CCNG2: variants seen among roughly 807,000 people sequenced by gnomAD.
CCNG2 encodes cyclin-G2.
CCNG2 carries 20 observed loss-of-function variants against 36.5 expected under a neutral mutation model. That is an observed-to-expected ratio of 0.55 (90% CI 0.39 to 0.80). CCNG2 has a LOEUF of 0.80. Ranked by LOEUF, CCNG2 falls within the 30% of genes least tolerant of loss-of-function variation. The pLI, the probability that CCNG2 is intolerant of heterozygous loss-of-function variation, is 0.00. For missense variants in CCNG2, 358 were observed against 390.8 expected, an observed-to-expected ratio of 0.92 and a Z score of 0.71; for synonymous variants, 155 against 140.1, an observed-to-expected ratio of 1.11 and a Z score of -0.75.
Position 77,160,747 on chromosome 4 carries a change from T to C in CCNG2, c.303T>C (p.Ile101=), listed in dbSNP as rs1198290882. The C allele has an allele frequency of 5.0e-6, 8 of 1,613,796 alleles. No individual in the cohort carries two copies. The Admixed American group carries it at 1.3e-4, about 27-fold the overall frequency. Residue 101 remains isoleucine, a synonymous_variant, in exon 4 of 8, where the codon ATT becomes ATC. Transcript: ENST00000316355. ...MKVKPKHLSC[I]GVCSFLLAAR... ...TGAAACCTAAACATTTGTCTTGCAT[T>C]GGAGTCTGTTCTTTTTTGCTGGCTG... is the stretch of plus-strand genomic sequence containing the variant.
chr4:77,159,146 A>T (rs1464444121), intron 2 of CCNG2, among the ~76,000 whole-genome samples: 1 of 152,254 alleles, frequency 6.6e-6, no homozygotes, highest in Non-Finnish European at 1.5e-5. Context: ...AAGCTCTTTT[A>T]TGATGCGTAT....
At chr4:77,159,603 C>A in intron 3 of CCNG2, 99 bp downstream of exon 3, 1 of 1,096,094 alleles carries the variant, frequency 9.1e-7, no homozygotes, top group Non-Finnish European at 1.3e-6. Flanking sequence ...TAATAACGTC[C>A]ACTGTACATA....
At position 77,169,182 on chromosome 4, in the gene CCNG2, T is replaced by G. The variant is rs145884967; in HGVS notation, c.*3258T>G. On this transcript the variant is annotated 3_prime_UTR_variant, in exon 8 of 8. Transcript: ENST00000316355. The stretch of plus-strand genomic sequence containing the variant: ...TTTTCTTTGTCTAGAGTCTGCCTTT[T>G]TCTTTTTTACAATTTCTTTTATTTC... The G allele has an allele frequency of 2.3e-3, 356 of 152,338 alleles. 1 individual carries two copies. The highest frequency in any genetic ancestry group is 8.0e-3 in the African/African-American group (334 of 41,564). The allele number at this position is 152,338 out of a possible 1,614,324, so 9.4% of individuals were successfully genotyped here. A position where few individuals can be genotyped will look rare whatever the true frequency, so the allele number is the denominator to read the frequency against.
Position 77,158,619 on chromosome 4 carries a change from G to A in CCNG2, c.87G>A (p.Glu29=), listed in dbSNP as rs4150052. 0.078 allele frequency: 125,862 copies of A among 1,613,946 alleles called. 5,259 individuals carry two copies. Among genetic ancestry groups the A allele is most frequent in the African/African-American group, 0.12 (9,205 of 74,980 alleles). ...TGAACGTCTACCTGGAACAAGAAGA[G>A]AGATTCCAACCTCGAGAAAAAGGGC... ...GLLNVYLEQE[E]RFQPREKGLS... is the part of the protein sequence containing the mutation. Residue 29 remains glutamate, a synonymous_variant, in exon 2 of 8, where the codon GAG becomes GAA. Coordinates refer to ENST00000316355, the MANE Select transcript of CCNG2 (RefSeq NM_004354.3).
chr4:77,165,526 T>TG (rs1328487217), intron 7 of CCNG2, among the ~76,000 whole-genome samples: 1 of 151,932 alleles, frequency 6.6e-6, no homozygotes, highest in Non-Finnish European at 1.5e-5. Context: ...AGGCTAGTCT[T>TG]GAACTCCTGG....
intron 7 of CCNG2, chr4:77,164,764 C>T (rs556593033): frequency 4.2e-4 from 97 of 229,450 alleles, no homozygotes; most frequent in Non-Finnish European, 7.0e-4. Flanking sequence ...TTACATACTC[C>T]CAGGCTCAAG....
intron 7 of CCNG2, 116 bp from the exon 8 acceptor site, chr4:77,165,685 T>A: frequency 1.2e-6 from 1 of 846,254 alleles, no homozygotes; most frequent in Non-Finnish European, 1.7e-6. Context: ...CTGTAAAGCA[T>A]AAATTTTGAA....
rs958660476 is a variant in CCNG2, at chr4:77,161,776, A to G, written c.705+29A>G. On this transcript the variant is annotated intron_variant, in intron 6 of 7. Transcript: ENST00000316355. ...ATTACAGTCATTATTCTTTAAGGCA[A>G]ATTTTTTTCCTGATGTTTATTTTTT... 10 of 1,433,584 alleles carry G rather than the reference A, an allele frequency of 7.0e-6. No homozygotes were observed. In the African/African-American group the frequency reaches 1.4e-4, roughly 21 times the overall value. 88.8% of individuals were successfully genotyped at this position (1,433,584 alleles called of 1,614,324 possible).
chr4:77,164,183 A>G, intron 6 of CCNG2, 91 bp from the exon 7 acceptor site: 1 of 837,116 alleles, frequency 1.2e-6, no homozygotes, highest in South Asian at 1.6e-5. Context: ...GCATCTATAT[A>G]TATATATTTT....
Position 77,167,835 on chromosome 4 carries a change from C to T in CCNG2, c.*1911C>T, listed in dbSNP as rs1731665210. The T allele has an allele frequency of 6.6e-6, 1 of 152,152 alleles. No individual in the cohort carries two copies. The highest frequency in any genetic ancestry group is 1.5e-5 in the Non-Finnish European group (1 of 68,030). The allele number at this position is 152,152 out of a possible 1,614,324, so 9.4% of individuals were successfully genotyped here. A position where few individuals can be genotyped will look rare whatever the true frequency, so the allele number is the denominator to read the frequency against. ...GTGGAGAATCCTACTTGAGGATGAC[C>T]TTTCCTCTCTTACTAAATAATATTA... On this transcript the variant is annotated 3_prime_UTR_variant, in exon 8 of 8. Transcript: ENST00000316355.
chr4:77,161,517 C>T lies in CCNG2; in HGVS notation c.565C>T (p.Leu189=), dbSNP rs1213118947. ...GAGCCTTGATAAACTAGAAGCTCAGCTGAAAGCTTGCAACTGCCGACTCAT... is the reference window on the plus strand; with the variant it reads ...GAGCCTTGATAAACTAGAAGCTCAGTTGAAAGCTTGCAACTGCCGACTCAT... ...ILSLDKLEAQ[L]KACNCRLIFS... The change falls in exon 5 of 8, where the codon CTG becomes TTG. Residue 189 remains leucine, a synonymous_variant. Coordinates refer to ENST00000316355, the MANE Select transcript of CCNG2 (RefSeq NM_004354.3). 1.2e-6 allele frequency: 2 copies of T among 1,611,970 alleles called. No individual in the cohort carries two copies. Among genetic ancestry groups the T allele is most frequent in the Non-Finnish European group, 1.7e-6 (2 of 1,179,304 alleles).
chr4:77,164,915 A>G (rs544044326), intron 7 of CCNG2: 1 of 153,560 alleles, frequency 6.5e-6, no homozygotes, highest in East Asian at 1.9e-4. Context: ...AAAAACCCCA[A>G]AAAAACAAAA....
intron 3 of CCNG2, 84 bp downstream of exon 3, chr4:77,159,588 G>C (rs1731371242): frequency 1.5e-6 from 2 of 1,354,286 alleles, no homozygotes; most frequent in Admixed American, 4.4e-5. Context: ...TTTATCGAAT[G>C]GGTATAATAA....
At position 77,158,637 on chromosome 4, in the gene CCNG2, A is replaced by G. The variant is rs886337299; in HGVS notation, c.105A>G (p.Glu35=). The G allele has an allele frequency of 1.2e-6, 2 of 1,614,048 alleles. No individual in the cohort carries two copies. Among genetic ancestry groups the G allele is most frequent in the African/African-American group, 2.7e-5 (2 of 74,914 alleles). ...AAGAAGAGAGATTCCAACCTCGAGA[A>G]AAAGGGCTGAGTTTGATTGAGGCTA... ...LEQEERFQPR[E]KGLSLIEATP... The change falls in exon 2 of 8, where the codon GAA becomes GAG. Residue 35 remains glutamate, a synonymous_variant. Transcript: ENST00000316355.
chr4:77,159,283 ATTAACC>A, intron 2 of CCNG2, 78 bp from the exon 3 acceptor site: 1 of 1,315,328 alleles, frequency 7.6e-7, no homozygotes, highest in Admixed American at 2.3e-5. Context: ...TTGGGAAAAA[ATTAACC>A]TTATTCTTTG....
chr4:77,158,751 G>A lies in CCNG2; in HGVS notation c.138+81G>A, dbSNP rs4150054. 3,459 of 1,454,392 alleles carry A rather than the reference G, an allele frequency of 2.4e-3. 62 individuals are homozygous for A. The African/African-American group carries it at 0.043, about 18-fold the overall frequency. The allele number at this position is 1,454,392 out of a possible 1,614,324, so 90.1% of individuals were successfully genotyped here. A position where few individuals can be genotyped will look rare whatever the true frequency, so the allele number is the denominator to read the frequency against. ...AACCCCCCCGCCCCCGTTGAATCAT[G>A]ACTAAAGCCTGCAAAATTTCTTAAA... is the stretch of plus-strand genomic sequence containing the variant. On this transcript the variant is annotated intron_variant, in intron 2 of 7. Coordinates refer to ENST00000316355, the MANE Select transcript of CCNG2 (RefSeq NM_004354.3).
chr4:77,160,543 G>A (rs76116731), intron 3 of CCNG2, among the ~76,000 whole-genome samples, 178 bp from the exon 4 acceptor site: 1 of 144,588 alleles, frequency 6.9e-6, no homozygotes, highest in Non-Finnish European at 1.5e-5. Context: ...GGGGGGGGGG[G>A]AGGTCGAGAA....
chr4:77,163,438 A>G (rs748208351), intron 6 of CCNG2, among the ~76,000 whole-genome samples: 1 of 152,242 alleles, frequency 6.6e-6, no homozygotes, highest in Non-Finnish European at 1.5e-5. Flanking sequence ...CCAGATTACA[A>G]GTGGGTTAGG....
At position 77,166,042 on chromosome 4, in the gene CCNG2, C is replaced by T; in HGVS notation, c.*118C>T. The T allele has an allele frequency of 1.1e-6, 1 of 912,562 alleles. No individual in the cohort carries two copies. The highest frequency in any genetic ancestry group is 1.6e-6 in the Non-Finnish European group (1 of 628,748). The allele number at this position is 912,562 out of a possible 1,614,324, so 56.5% of individuals were successfully genotyped here. A position where few individuals can be genotyped will look rare whatever the true frequency, so the allele number is the denominator to read the frequency against. ...AGGAATTAATATACTGGAATACCTA[C>T]CTTCTATTTGTTATTCAGATCAGAT... On this transcript the variant is annotated 3_prime_UTR_variant, in exon 8 of 8. Coordinates refer to ENST00000316355, the MANE Select transcript of CCNG2 (RefSeq NM_004354.3).
Sources: gnomAD v4.1 joint callset for allele counts (sites outside exome capture counted in the v4.1 genomes callset) on GRCh38, gnomAD v4.1.1 for gene constraint, MANE v1.5 for transcripts, NCBI Gene and HGNC (gene_info 2026-07-23, HGNC 2026-07-21) for gene names.